The following CSMD1 variants were observed in gnomAD, a reference collection of about 807,000 sequenced individuals.
The protein encoded by CSMD1 is CUB and sushi domain-containing protein 1.
Under a neutral mutation model 417.5 loss-of-function variants are expected in CSMD1, and 213 were observed. That is an observed-to-expected ratio of 0.51 (90% CI 0.46 to 0.57). CSMD1 has a LOEUF of 0.57. CSMD1 is among the 20% of genes least tolerant of loss of function. CSMD1 has a pLI of 0.00. For synonymous variants in CSMD1, 2,862 were observed against 1,736.8 expected, an observed-to-expected ratio of 1.65 and a Z score of -16.11; for missense variants, 6,923 against 4,529.7, an observed-to-expected ratio of 1.53 and a Z score of -15.17.
chr8:4,634,678 T>A lies in CSMD1; in HGVS notation c.302+2664A>T, dbSNP rs976439247. ...TTGCGTTTGAGAAATAAACAACTGT[T>A]TCAAGGCATAATGGGAAACGAATAG... is the stretch of plus-strand genomic sequence containing the variant. On this transcript the variant is annotated intron_variant, in intron 2 of 69. Transcript: ENST00000635120. Among the ~76,000 whole-genome samples, 3 of 152,280 alleles carry A rather than the reference T, an allele frequency of 2.0e-5. No individual in the cohort carries two copies. In the South Asian group the frequency reaches 6.2e-4, roughly 32 times the overall value.
intron 2 of CSMD1, among the ~76,000 whole-genome samples, chr8:4,535,676 T>C (rs1341218476): frequency 6.6e-6 from 1 of 152,198 alleles, no homozygotes; most frequent in Non-Finnish European, 1.5e-5. Flanking sequence ...AGCCATTTTC[T>C]GAGGAGCCCT....
intron 3 of CSMD1, among the ~76,000 whole-genome samples, chr8:4,388,303 T>TACACAC (rs748455037): frequency 0.079 from 9,262 of 117,016 alleles, 395 homozygotes; most frequent in Non-Finnish European, 0.094. Flanking sequence ...GAAACTGTGA[T>TACACAC]ACACACACAC....
chr8:3,000,825 G>A (rs1272930625), intron 52 of CSMD1, among the ~76,000 whole-genome samples: 2 of 152,176 alleles, frequency 1.3e-5, no homozygotes, highest in African/African-American at 2.4e-5. Flanking sequence ...GAACAGGAAG[G>A]AGCGCGAGAT....
intron 1 of CSMD1, among the ~76,000 whole-genome samples, chr8:4,900,060 C>T (rs778028492): frequency 2.4e-4 from 37 of 152,288 alleles, no homozygotes; most frequent in Non-Finnish European, 5.0e-4. Context: ...ATTTCCTCCT[C>T]CATCTCTGGT....
At chr8:3,220,510 G>C (rs747923022) in intron 28 of CSMD1, among the ~76,000 whole-genome samples, 3 of 152,172 alleles carry the variant, frequency 2.0e-5, no homozygotes, top group Admixed American at 6.5e-5. Context: ...GATATGACCA[G>C]AATAAACTGA....
chr8:4,350,762 T>C (rs768272206), intron 3 of CSMD1, among the ~76,000 whole-genome samples: 15 of 152,188 alleles, frequency 9.9e-5, no homozygotes, highest in African/African-American at 2.2e-4. Flanking sequence ...TGGCAGCTGA[T>C]TGAATTTAAG....
intron 3 of CSMD1, among the ~76,000 whole-genome samples, chr8:4,165,197 C>A (rs933250494): frequency 6.6e-6 from 1 of 152,178 alleles, no homozygotes; most frequent in Non-Finnish European, 1.5e-5. Flanking sequence ...CTATCAGCAA[C>A]CCAAAGAGCT....
At chr8:3,065,725 TACAAAGC>T (rs1331817700) in intron 49 of CSMD1, among the ~76,000 whole-genome samples, 1 of 152,166 alleles carries the variant, frequency 6.6e-6, no homozygotes, top group East Asian at 1.9e-4. Flanking sequence ...GGAGATAGCC[TACAAAGC>T]ATCTGATAAG....
intron 1 of CSMD1, among the ~76,000 whole-genome samples, chr8:4,750,480 G>A (rs988095654): frequency 1.3e-5 from 2 of 152,078 alleles, no homozygotes; most frequent in Admixed American, 6.5e-5. Context: ...TATGGGCAAT[G>A]CCTCTTAATT....
At chr8:4,907,005 A>G (rs1042619588) in intron 1 of CSMD1, among the ~76,000 whole-genome samples, 6 of 152,220 alleles carry the variant, frequency 3.9e-5, no homozygotes, top group Non-Finnish European at 8.8e-5. Flanking sequence ...GACTTAATTC[A>G]TCTATATGTC....
intron 2 of CSMD1, among the ~76,000 whole-genome samples, chr8:4,551,352 G>T (rs1176960703): frequency 6.6e-6 from 1 of 152,114 alleles, no homozygotes; most frequent in South Asian, 2.1e-4. Flanking sequence ...TTGGTGTGCT[G>T]TGTACACCAT....
chr8:4,583,543 G>A (rs1006919258), intron 2 of CSMD1, among the ~76,000 whole-genome samples: 1 of 151,930 alleles, frequency 6.6e-6, no homozygotes, highest in Non-Finnish European at 1.5e-5. Context: ...CTCAAGGTTT[G>A]TAAACACACC....
At chr8:3,635,579 G>A (rs1796997782) in intron 7 of CSMD1, among the ~76,000 whole-genome samples, 1 of 150,242 alleles carries the variant, frequency 6.7e-6, no homozygotes, top group African/African-American at 2.4e-5. Flanking sequence ...CACATCCCAG[G>A]TTCACGCCAT....
intron 2 of CSMD1, among the ~76,000 whole-genome samples, chr8:4,564,049 C>T (rs1010685081): frequency 2.6e-5 from 4 of 152,144 alleles, no homozygotes; most frequent in African/African-American, 9.7e-5. Context: ...AGTTAGCGAA[C>T]ATTCCTAGCA....
intron 2 of CSMD1, among the ~76,000 whole-genome samples, chr8:4,632,385 C>G (rs1802573662): frequency 1.3e-5 from 2 of 151,936 alleles, no homozygotes; most frequent in Admixed American, 6.6e-5. Flanking sequence ...TGGTGGTGCA[C>G]CCTGTAATCC....
At chr8:4,658,826 G>T (rs747229052) in intron 1 of CSMD1, among the ~76,000 whole-genome samples, 1 of 152,094 alleles carries the variant, frequency 6.6e-6, no homozygotes, top group Non-Finnish European at 1.5e-5. Flanking sequence ...AATTTATGAG[G>T]ATATAATATG....
At chr8:3,001,259 G>A (rs896218157) in intron 52 of CSMD1, among the ~76,000 whole-genome samples, 3 of 152,108 alleles carry the variant, frequency 2.0e-5, no homozygotes, top group African/African-American at 7.2e-5. Flanking sequence ...GCCTCCCAAA[G>A]TGCTGGGATG....
At chr8:3,604,234 T>C (rs901944620) in intron 8 of CSMD1, among the ~76,000 whole-genome samples, 5 of 151,962 alleles carry the variant, frequency 3.3e-5, no homozygotes, top group African/African-American at 9.7e-5. Context: ...ATTGGAAGCA[T>C]AGACGTGCAT....
chr8:3,509,630 G>C (rs1330111148), intron 10 of CSMD1, among the ~76,000 whole-genome samples: 2 of 152,144 alleles, frequency 1.3e-5, no homozygotes, highest in South Asian at 2.1e-4. Flanking sequence ...ATCTGGGAAA[G>C]GGAAGAAGCT....
Sources: gnomAD v4.1 joint callset for allele counts (sites outside exome capture counted in the v4.1 genomes callset) on GRCh38, gnomAD v4.1.1 for gene constraint, MANE v1.5 for transcripts, NCBI Gene and HGNC (gene_info 2026-07-23, HGNC 2026-07-21) for gene names.